STARD13: variants seen among roughly 807,000 people sequenced by gnomAD.
STARD13 encodes stAR-related lipid transfer protein 13.
Under a neutral mutation model 106.4 loss-of-function variants are expected in STARD13, and 62 were observed. That is an observed-to-expected ratio of 0.58 (90% CI 0.48 to 0.72). The LOEUF is 0.72. Ranked by LOEUF, STARD13 falls within the 30% of genes least tolerant of loss-of-function variation. The pLI, the probability that STARD13 is intolerant of heterozygous loss-of-function variation, is 0.00. For missense variants in STARD13, 1,387 were observed against 1,424.0 expected, an observed-to-expected ratio of 0.97 and a Z score of 0.42; for synonymous variants, 565 against 553.0, an observed-to-expected ratio of 1.02 and a Z score of -0.31.
chr13:33,312,524 C>T (rs1350998474), intron 1 of STARD13, among the ~76,000 whole-genome samples: 1 of 152,052 alleles, frequency 6.6e-6, no homozygotes, highest in African/African-American at 2.4e-5. Context: ...GTGCTTGACT[C>T]GGGATGCAGG....
the STARD13 span, among the ~76,000 whole-genome samples, chr13:33,415,432 G>T: frequency 6.6e-6 from 1 of 152,166 alleles, no homozygotes. Context: ...GGCAGTAGGA[G>T]TAAGAGGGAA....
chr13:33,663,213 A>G, the STARD13 span, among the ~76,000 whole-genome samples: 1 of 152,166 alleles, frequency 6.6e-6, no homozygotes, highest in Non-Finnish European at 1.5e-5. Flanking sequence ...GGCCTCCCAA[A>G]GAGCTGGGAT....
At chr13:33,178,235 T>A (rs1188831651) in intron 1 of STARD13, among the ~76,000 whole-genome samples, 1 of 152,248 alleles carries the variant, frequency 6.6e-6, no homozygotes. Flanking sequence ...AACATCTTTT[T>A]ATGTCAACAG....
the STARD13 span, among the ~76,000 whole-genome samples, chr13:33,565,387 T>C: frequency 6.8e-6 from 1 of 147,790 alleles, no homozygotes; most frequent in African/African-American, 2.5e-5. Context: ...AGGTGATAAA[T>C]AATTACCCAA....
the STARD13 span, among the ~76,000 whole-genome samples, chr13:33,375,869 G>T: frequency 1.3e-5 from 2 of 152,022 alleles, no homozygotes; most frequent in Admixed American, 1.3e-4. Flanking sequence ...AAATGCCCTG[G>T]TTTGGCTGAT....
At chr13:33,502,229 G>T in the STARD13 span, among the ~76,000 whole-genome samples, 1 of 152,104 alleles carries the variant, frequency 6.6e-6, no homozygotes, top group African/African-American at 2.4e-5. Context: ...TTTGCATATT[G>T]ATTTCGTATC....
At chr13:33,218,217 A>G (rs1481264215) in intron 1 of STARD13, among the ~76,000 whole-genome samples, 1 of 152,212 alleles carries the variant, frequency 6.6e-6, no homozygotes, top group Non-Finnish European at 1.5e-5. Context: ...TAAGGAATCC[A>G]GGAGTGGCCA....
chr13:33,411,840 G>A, the STARD13 span, among the ~76,000 whole-genome samples: 8 of 152,102 alleles, frequency 5.3e-5, no homozygotes, highest in South Asian at 2.1e-4. Context: ...GAAATGGATC[G>A]TCAACCCAGG....
At chr13:33,237,535 A>G (rs1889253449) in intron 1 of STARD13, among the ~76,000 whole-genome samples, 1 of 152,058 alleles carries the variant, frequency 6.6e-6, no homozygotes, top group Non-Finnish European at 1.5e-5. Context: ...GCAATGAACT[A>G]TTTTTCTGGT....
chr13:33,475,228 A>G, the STARD13 span, among the ~76,000 whole-genome samples: 1 of 152,152 alleles, frequency 6.6e-6, no homozygotes, highest in Non-Finnish European at 1.5e-5. Flanking sequence ...CTTGCTTCCC[A>G]AAGAATATCA....
the STARD13 span, among the ~76,000 whole-genome samples, chr13:33,663,658 GGGAATTT>G: frequency 2.6e-5 from 4 of 152,112 alleles, no homozygotes; most frequent in African/African-American, 7.2e-5. Flanking sequence ...ATGACTATAA[GGGAATTT>G]TACTTGTGTT....
At chr13:33,621,061 T>C in the STARD13 span, among the ~76,000 whole-genome samples, 1 of 151,792 alleles carries the variant, frequency 6.6e-6, no homozygotes, top group Non-Finnish European at 1.5e-5. Context: ...GTAAGTCCCA[T>C]CTTAAGAAGT....
chr13:33,392,117 C>T, the STARD13 span, among the ~76,000 whole-genome samples: 1 of 152,110 alleles, frequency 6.6e-6, no homozygotes, highest in Non-Finnish European at 1.5e-5. Context: ...CGTAATCTAG[C>T]TCACAATTAT....
intron 1 of STARD13, among the ~76,000 whole-genome samples, chr13:33,212,511 C>T (rs896365058): frequency 2.0e-5 from 3 of 152,146 alleles, no homozygotes; most frequent in East Asian, 1.9e-4. Flanking sequence ...ACATGAGCAG[C>T]AACATGTATT....
chr13:33,612,663 T>C, the STARD13 span, among the ~76,000 whole-genome samples: 1 of 152,218 alleles, frequency 6.6e-6, no homozygotes, highest in Admixed American at 6.5e-5. Flanking sequence ...CAGACAGCCC[T>C]GTATATGTCA....
the STARD13 span, among the ~76,000 whole-genome samples, chr13:33,435,351 C>G: frequency 1.3e-5 from 2 of 152,152 alleles, no homozygotes; most frequent in African/African-American, 4.8e-5. Flanking sequence ...CTCAGAATAA[C>G]TTTCAAGGGA....
At chr13:33,504,171 T>G in the STARD13 span, among the ~76,000 whole-genome samples, 2 of 152,114 alleles carry the variant, frequency 1.3e-5, no homozygotes, top group East Asian at 3.9e-4. Flanking sequence ...TGTAAACTAG[T>G]TCAACCATTA....
chr13:33,379,902 C>G, the STARD13 span, among the ~76,000 whole-genome samples: 6 of 152,148 alleles, frequency 3.9e-5, no homozygotes, highest in Admixed American at 2.6e-4. Flanking sequence ...TTACTAAATG[C>G]CAAGATCTAT....
At chr13:33,492,752 T>C in the STARD13 span, among the ~76,000 whole-genome samples, 2 of 152,234 alleles carry the variant, frequency 1.3e-5, no homozygotes, top group African/African-American at 4.8e-5. Context: ...CCCTTGGGGC[T>C]GCTCTGTCTA....
Sources: allele counts gnomAD v4.1 joint callset (sites outside exome capture counted in the v4.1 genomes callset), GRCh38; gene constraint gnomAD v4.1.1; transcripts MANE v1.5; gene names NCBI Gene and HGNC (gene_info 2026-07-23, HGNC 2026-07-21).